ADCY7: variants seen among roughly 807,000 people sequenced by gnomAD.
ADCY7 encodes the protein adenylate cyclase 7.
Under a neutral mutation model 120.6 loss-of-function variants are expected in ADCY7, and 72 were observed. That is an observed-to-expected ratio of 0.60 (90% CI 0.49 to 0.73). The LOEUF (loss-of-function observed/expected upper bound fraction) is 0.73, where lower values mean the gene tolerates loss of function less well. Among genes scored for constraint, ADCY7 ranks in the 30% least tolerant of loss-of-function variants. The probability of loss-of-function intolerance (pLI) is 0.00; values close to 1 mark genes in which losing one functional copy is unlikely to be tolerated. For missense variants in ADCY7, 1,227 were observed against 1,486.0 expected, an observed-to-expected ratio of 0.83 and a Z score of 2.87; for synonymous variants, 661 against 628.0, an observed-to-expected ratio of 1.05 and a Z score of -0.78.
At position 50,292,747 on chromosome 16, in the gene ADCY7, T is replaced by C; in HGVS notation, c.609T>C (p.Asp203=). ...TGAFHKHQMQ[D]ASRDLFTYTV... ...CCTTCCACAAGCACCAAATGCAGGA[T>C]GCATCCCGGGACCTCTTCACCTACA... is the stretch of plus-strand genomic sequence containing the variant. The change falls in exon 5 of 26, where the codon GAT becomes GAC. Residue 203 remains aspartate (D), a synonymous_variant. Transcript: ENST00000673801. The C allele has an allele frequency of 6.2e-7, 1 of 1,614,056 alleles. No homozygotes were observed. The highest frequency in any genetic ancestry group is 1.7e-5 in the Admixed American group (1 of 60,020).
rs559435208 is a variant in ADCY7 at position 50,292,671 on chromosome 16, C to A, written c.538-5C>A. 1.9e-6 allele frequency: 3 copies of A among 1,613,412 alleles called. No homozygotes were observed. In the South Asian group the frequency reaches 3.3e-5, roughly 18 times the overall value. ...ATAATGAGCCAAACCCCTGTCTACC[C>A]GCAGCTGCTGGCCAACGCAGTCATC... On this transcript the variant is annotated splice_region_variant and splice_polypyrimidine_tract_variant and intron_variant, in intron 4 of 25. Coordinates refer to ENST00000673801, the MANE Select transcript of ADCY7 (RefSeq NM_001114.5).
chr16:50,309,618 A>C lies in ADCY7; in HGVS notation c.2132A>C (p.Lys711Thr). 1 of 1,612,286 alleles carries C rather than the reference A, an allele frequency of 6.2e-7. No homozygotes were observed. The highest frequency in any genetic ancestry group is 1.3e-5 in the African/African-American group (1 of 75,054). The change falls in exon 18 of 26, where the codon AAG (lysine) becomes ACG (threonine). Residue 711 changes from lysine (K) to threonine (T), a missense_variant. Lys to Thr is a moderately conservative substitution (Grantham distance 78). Coordinates refer to ENST00000673801, the MANE Select transcript of ADCY7 (RefSeq NM_001114.5). Reference protein sequence around the residue: ...NETGLLAASSKTRALCEPLPY... With the variant: ...NETGLLAASSTTRALCEPLPY... The stretch of plus-strand genomic sequence containing the variant: ...ACAGGCCTACTGGCCGCGAGCAGCA[A>C]GACAAGAGCCCTGTGTGAGCCCCTC...
At chr16:50,256,571 C>T (rs893372231) in intron 1 of ADCY7, among the ~76,000 whole-genome samples, 10 of 152,048 alleles carry the variant, frequency 6.6e-5, no homozygotes, top group African/African-American at 9.7e-5. Context: ...GGTGTGGCAG[C>T]GTGCACCTGT....
intron 1 of ADCY7, among the ~76,000 whole-genome samples, chr16:50,272,856 C>G (rs2033661723): frequency 6.6e-6 from 1 of 152,190 alleles, no homozygotes; most frequent in Non-Finnish European, 1.5e-5. Flanking sequence ...CCCTTTTAAG[C>G]TGTCTGAAGG....
intron 1 of ADCY7, among the ~76,000 whole-genome samples, chr16:50,258,934 T>C (rs1041564824): frequency 6.6e-6 from 1 of 152,328 alleles, no homozygotes; most frequent in East Asian, 1.9e-4. Flanking sequence ...AAACCTTCCG[T>C]ATTCACCCTG....
intron 8 of ADCY7, among the ~76,000 whole-genome samples, chr16:50,299,524 C>CGAGAGGGCTGTATGGG (rs1348060277): frequency 2.0e-5 from 3 of 152,204 alleles, no homozygotes; most frequent in Non-Finnish European, 2.9e-5. Flanking sequence ...AGGAATTTGC[C>CGAGAGGGCTGTATGGG]GAGAGGGCTG....
At chr16:50,273,346 A>G (rs528845335) in intron 1 of ADCY7, among the ~76,000 whole-genome samples, 2 of 152,300 alleles carry the variant, frequency 1.3e-5, no homozygotes, top group African/African-American at 4.8e-5. Context: ...CCCAACCACC[A>G]TGCTTTCCTG....
chr16:50,309,379 G>T (rs543631645), intron 17 of ADCY7, among the ~76,000 whole-genome samples, 169 bp from the exon 18 acceptor site: 1 of 152,338 alleles, frequency 6.6e-6, no homozygotes, highest in South Asian at 2.1e-4. Context: ...TGAACCTGAC[G>T]GCTGCTGTGG....
intron 14 of ADCY7, among the ~76,000 whole-genome samples, chr16:50,306,721 G>A (rs1347502993): frequency 6.6e-6 from 1 of 152,154 alleles, no homozygotes; most frequent in Middle Eastern, 3.2e-3. Flanking sequence ...GGGTGGTGTA[G>A]GGCAGGGGAA....
At position 50,314,995 on chromosome 16, in the gene ADCY7, C is replaced by T; in HGVS notation, c.2972-19C>T. 6.2e-7 allele frequency: 1 copy of T among 1,613,826 alleles called. No individual in the cohort carries two copies. Among genetic ancestry groups the T allele is most frequent in the Non-Finnish European group, 8.5e-7 (1 of 1,179,844 alleles). On this transcript the variant is annotated intron_variant, in intron 24 of 25. Transcript: ENST00000673801. ...AGGCTTTGCCTGCACGCTTGGGTAA[C>T]TGTAAACATCATCTTCAGGCATAAA...
intron 7 of ADCY7, among the ~76,000 whole-genome samples, chr16:50,298,403 T>G (rs1445820974): frequency 6.6e-6 from 1 of 151,990 alleles, no homozygotes; most frequent in African/African-American, 2.4e-5. Context: ...CTCTGAGAGG[T>G]CTTCGCTGGC....
intron 1 of ADCY7, among the ~76,000 whole-genome samples, chr16:50,255,472 A>G (rs566373667): frequency 1.4e-3 from 210 of 149,778 alleles, no homozygotes; most frequent in Non-Finnish European, 2.2e-3. Flanking sequence ...GAACCCATGA[A>G]TATATTTACA....
chr16:50,260,806 G>A (rs866882504), intron 1 of ADCY7, among the ~76,000 whole-genome samples: 1 of 152,172 alleles, frequency 6.6e-6, no homozygotes, highest in Admixed American at 6.5e-5. Context: ...GAGTGTCCTC[G>A]AGCCATGGTG....
Position 50,309,642 on chromosome 16 carries a change from T to C in ADCY7, c.2156T>C (p.Leu719Pro). 1.9e-6 allele frequency: 3 copies of C among 1,609,092 alleles called. No homozygotes were observed. The highest frequency in any genetic ancestry group is 2.5e-6 in the Non-Finnish European group (3 of 1,179,912). ...SSKTRALCEP[L>P]PYYTCSCVLG... is the part of the protein sequence containing the mutation. ...AAGACAAGAGCCCTGTGTGAGCCCC[T>C]CCCGGTGAGTGCGCCGGGCCCGGCT... Residue 719 changes from leucine to proline, a missense_variant, in exon 18 of 26, where the codon CTC becomes CCC. Leu to Pro is a moderately conservative substitution (Grantham distance 98). Transcript: ENST00000673801.
In ADCY7 at chr16:50,297,439, A is replaced by G. The variant is rs2035428168; in HGVS notation, c.949-1465A>G. On this transcript the variant is annotated intron_variant, in intron 7 of 25. Coordinates refer to ENST00000673801, the MANE Select transcript of ADCY7 (RefSeq NM_001114.5). The surrounding 1 kb of genome is among the most constrained non-coding windows in gnomAD (Gnocchi z 4.4). ...CCTGTGCCTGGTCCGAGAGGAGATCAGGGTAGCTGGAGCCTAGTATCCAGG... is the reference window on the plus strand; with the variant it reads ...CCTGTGCCTGGTCCGAGAGGAGATCGGGGTAGCTGGAGCCTAGTATCCAGG... 6.6e-6 allele frequency among the ~76,000 whole-genome samples: 1 copy of G among 152,178 alleles called. No individual in the cohort carries two copies. Among genetic ancestry groups the G allele is most frequent in the Admixed American group, 6.5e-5 (1 of 15,278 alleles).
At chr16:50,283,905 C>A (rs1078151) in intron 1 of ADCY7, among the ~76,000 whole-genome samples, 42,390 of 151,892 alleles carry the variant, frequency 0.28, 7,173 homozygotes, top group East Asian at 0.82. Flanking sequence ...GGTGGTGAGC[C>A]CCCCCGTCAT....
chr16:50,304,937 C>T lies in ADCY7; in HGVS notation c.1573C>T (p.Arg525Cys), dbSNP rs772518275. The part of the protein sequence containing the change: ...NGRRPKSVPQ[R>C]HRRTPDRSMS... Reference sequence around the variant, plus strand: ...CCTTCCCTTTCAGAGCGTTCCCCAGCGCCACCGCCGGACCCCAGACAGGTG... The same window carrying T: ...CCTTCCCTTTCAGAGCGTTCCCCAGTGCCACCGCCGGACCCCAGACAGGTG... Residue 525 changes from arginine to cysteine, a missense_variant, in exon 12 of 26, where the codon CGC becomes TGC. Coordinates refer to ENST00000673801, the MANE Select transcript of ADCY7 (RefSeq NM_001114.5). 6.4e-5 allele frequency: 103 copies of T among 1,613,386 alleles called. No individual in the cohort carries two copies. In the East Asian group the frequency reaches 9.8e-4, roughly 15 times the overall value.
At chr16:50,287,221 G>C (rs988173113) in intron 1 of ADCY7, among the ~76,000 whole-genome samples, 20 of 151,574 alleles carry the variant, frequency 1.3e-4, no homozygotes, top group Non-Finnish European at 5.9e-5. Context: ...TACCACGTGG[G>C]CCAGGCTGGT....
intron 1 of ADCY7, among the ~76,000 whole-genome samples, chr16:50,282,209 T>G (rs538639263): frequency 1.3e-5 from 2 of 152,348 alleles, no homozygotes; most frequent in South Asian, 2.1e-4. Context: ...GTGTCCTGTC[T>G]GCATCTGTGA....
Sources: gnomAD v4.1 joint callset for allele counts (sites outside exome capture counted in the v4.1 genomes callset) on GRCh38, gnomAD v4.1.1 for gene constraint, Gnocchi (gnomAD v3.1) non-coding constraint, MANE v1.5 for transcripts, NCBI Gene and HGNC (gene_info 2026-07-23, HGNC 2026-07-21) for gene names.